Variants in PTPRR observed in about 807,000 individuals in gnomAD.
PTPRR encodes protein tyrosine phosphatase receptor type R, also known as receptor-type tyrosine-protein phosphatase R.
A neutral mutation model predicts 77.2 loss-of-function variants in PTPRR; 38 were observed. The ratio of observed to expected loss-of-function variants is 0.49; its 90% CI spans 0.38 to 0.65. The LOEUF (loss-of-function observed/expected upper bound fraction) is 0.65. Ranked by LOEUF, PTPRR falls within the 30% of genes least tolerant of loss-of-function variation. PTPRR has a pLI of 0.00. For synonymous variants in PTPRR, 299 were observed against 283.1 expected, an observed-to-expected ratio of 1.06 and a Z score of -0.57; for missense variants, 744 against 799.2, an observed-to-expected ratio of 0.93 and a Z score of 0.83.
chr12:70,870,165 C>A (rs1468725859), intron 2 of PTPRR, among the ~76,000 whole-genome samples: 1 of 152,122 alleles, frequency 6.6e-6, no homozygotes, highest in African/African-American at 2.4e-5. Flanking sequence ...CAGTAGCCAT[C>A]AATCATCTCC....
Position 70,920,504 on chromosome 12 carries a change from G to C in PTPRR, c.-114C>G. The C allele has an allele frequency of 9.7e-7, 1 of 1,035,860 alleles. No individual in the cohort carries two copies. The highest frequency in any genetic ancestry group is 1.4e-6 in the Non-Finnish European group (1 of 695,954). 64.2% of individuals were successfully genotyped at this position (1,035,860 alleles called of 1,614,324 possible). A position where few individuals can be genotyped will look rare whatever the true frequency, so the allele number is the denominator to read the frequency against. ...TCTAGTCTCCGGGATTCAGGTCCTC[G>C]GCTGGGGTTTGCAGAGCAGTCAGTC... is the stretch of plus-strand genomic sequence containing the variant. On this transcript the variant is annotated 5_prime_UTR_variant, in exon 1 of 14. Transcript: ENST00000283228.
At chr12:70,682,205 G>A (rs1011219452) in intron 10 of PTPRR, among the ~76,000 whole-genome samples, 3 of 150,886 alleles carry the variant, frequency 2.0e-5, no homozygotes, top group African/African-American at 4.9e-5. Context: ...CACCACGCCC[G>A]GCTAATTTTT....
intron 2 of PTPRR, among the ~76,000 whole-genome samples, chr12:70,816,608 C>G (rs762469606): frequency 5.7e-4 from 87 of 151,738 alleles, no homozygotes; most frequent in Admixed American, 1.9e-3. Flanking sequence ...TATAAATAAA[C>G]CAGCACATAT....
chr12:70,836,323 C>T (rs1311744229), intron 2 of PTPRR, among the ~76,000 whole-genome samples: 9 of 140,314 alleles, frequency 6.4e-5, no homozygotes, highest in South Asian at 4.5e-4. Context: ...TTTTTTTTCT[C>T]GGACTGGTGT....
At chr12:70,683,834 G>T (rs1366721695) in intron 10 of PTPRR, among the ~76,000 whole-genome samples, 1 of 152,168 alleles carries the variant, frequency 6.6e-6, no homozygotes, top group Non-Finnish European at 1.5e-5. Flanking sequence ...GGGTGTGAAT[G>T]AATAAGGTTT....
chr12:70,898,355 C>T (rs75646067), intron 1 of PTPRR, among the ~76,000 whole-genome samples: 6,781 of 148,850 alleles, frequency 0.046, 488 homozygotes, highest in African/African-American at 0.15. Flanking sequence ...TCAATATATG[C>T]ACTTTTAAAA....
At chr12:70,713,547 G>C (rs1888908205) in intron 6 of PTPRR, among the ~76,000 whole-genome samples, 1 of 139,026 alleles carries the variant, frequency 7.2e-6, no homozygotes, top group South Asian at 2.4e-4. Flanking sequence ...CCACATTCTT[G>C]CTAATACTTG....
At chr12:70,702,788 A>G (rs1281602099) in intron 6 of PTPRR, among the ~76,000 whole-genome samples, 7 of 152,040 alleles carry the variant, frequency 4.6e-5, no homozygotes, top group Non-Finnish European at 1.0e-4. Flanking sequence ...TTTCCTTATA[A>G]TTTCTAGTTA....
intron 2 of PTPRR, among the ~76,000 whole-genome samples, chr12:70,863,126 T>G (rs1279360383): frequency 6.6e-6 from 1 of 152,168 alleles, no homozygotes; most frequent in African/African-American, 2.4e-5. Flanking sequence ...CGTAATAACT[T>G]ACATTGTATC....
chr12:70,889,487 T>C (rs775470511), intron 2 of PTPRR, among the ~76,000 whole-genome samples: 3 of 152,210 alleles, frequency 2.0e-5, no homozygotes, highest in Non-Finnish European at 4.4e-5. Flanking sequence ...TTGGATTTAA[T>C]AGCTTTCTAA....
chr12:70,784,395 C>CTGGGCTAGTAGCGGGGT (rs1891275894), intron 2 of PTPRR, among the ~76,000 whole-genome samples: 1 of 152,232 alleles, frequency 6.6e-6, no homozygotes, highest in Admixed American at 6.5e-5. Context: ...CTTGCTGGGC[C>CTGGGCTAGTAGCGGGGT]TGGGCTAGTA....
intron 2 of PTPRR, among the ~76,000 whole-genome samples, chr12:70,843,936 C>T (rs1401912991): frequency 6.6e-6 from 1 of 151,538 alleles, no homozygotes; most frequent in African/African-American, 2.4e-5. Flanking sequence ...CTGCCTCAGC[C>T]TCCCGAGTAG....
chr12:70,766,425 T>A (rs1300894434), intron 2 of PTPRR, among the ~76,000 whole-genome samples: 3 of 151,900 alleles, frequency 2.0e-5, no homozygotes, highest in Admixed American at 6.6e-5. Context: ...TGATGGAAGA[T>A]GAAATGAATG....
chr12:70,687,569 C>A (rs1441071710), intron 8 of PTPRR, among the ~76,000 whole-genome samples: 1 of 152,050 alleles, frequency 6.6e-6, no homozygotes, highest in African/African-American at 2.4e-5. Context: ...AGTGGGAAGA[C>A]CCTTAGGTGG....
chr12:70,655,930 A>G (rs1446966652), intron 13 of PTPRR, among the ~76,000 whole-genome samples: 1 of 152,142 alleles, frequency 6.6e-6, no homozygotes. Flanking sequence ...TAACTTTGGG[A>G]GCCAGATGCA....
chr12:70,734,323 C>T (rs1463699314), intron 6 of PTPRR, among the ~76,000 whole-genome samples: 1 of 152,140 alleles, frequency 6.6e-6, no homozygotes, highest in East Asian at 1.9e-4. Context: ...GTACCACGAC[C>T]ACCTCTTCTT....
At chr12:70,640,560 CT>C in intron 13 of PTPRR, among the ~76,000 whole-genome samples, 1 of 152,308 alleles carries the variant, frequency 6.6e-6, no homozygotes, top group African/African-American at 2.4e-5. Context: ...CTATCGGTAA[CT>C]ATTTAAAGTC....
At chr12:70,685,242 A>G (rs1887818349) in intron 8 of PTPRR, among the ~76,000 whole-genome samples, 2 of 152,158 alleles carry the variant, frequency 1.3e-5, no homozygotes, top group Admixed American at 1.3e-4. Context: ...TGTCCTGGCC[A>G]GATCTCCTGA....
chr12:70,672,503 G>A, intron 10 of PTPRR: 1 of 1,211,534 alleles, frequency 8.3e-7, no homozygotes. Context: ...GCTCATGACT[G>A]GCAAATGAGA....
Sources: gnomAD v4.1 joint callset for allele counts (sites outside exome capture counted in the v4.1 genomes callset) on GRCh38, gnomAD v4.1.1 for gene constraint, MANE v1.5 for transcripts, NCBI Gene and HGNC (gene_info 2026-07-23, HGNC 2026-07-21) for gene names.